The following SLC22A23 variants were observed in gnomAD, a reference collection of about 807,000 sequenced individuals.
The protein encoded by SLC22A23 is ion transporter protein.
A neutral mutation model predicts 61.0 loss-of-function variants in SLC22A23; 26 were observed. The observed-to-expected ratio is 0.43, with a 90% CI of 0.31 to 0.59. The LOEUF (loss-of-function observed/expected upper bound fraction) is 0.59, where lower values mean the gene tolerates loss of function less well. Ranked by LOEUF, SLC22A23 falls within the 20% of genes least tolerant of loss-of-function variation. The probability of loss-of-function intolerance (pLI) is 0.11; values close to 1 mark genes in which losing one functional copy is unlikely to be tolerated. For missense variants in SLC22A23, 796 were observed against 934.7 expected, an observed-to-expected ratio of 0.85 and a Z score of 1.94; for synonymous variants, 430 against 413.9, an observed-to-expected ratio of 1.04 and a Z score of -0.47.
intron 3 of SLC22A23, among the ~76,000 whole-genome samples, chr6:3,356,329 T>G (rs1765100383): frequency 6.6e-6 from 1 of 151,548 alleles, no homozygotes; most frequent in Non-Finnish European, 1.5e-5. Flanking sequence ...CTGACAGGAT[T>G]GGATGGTAAA....
chr6:3,406,139 G>T (rs534451303), intron 3 of SLC22A23, among the ~76,000 whole-genome samples: 1 of 152,090 alleles, frequency 6.6e-6, no homozygotes. Flanking sequence ...GTAGCTGGTG[G>T]GGGGCAGTTA....
chr6:3,447,895 CTCTTTTT>C (rs1181173559), intron 1 of SLC22A23, among the ~76,000 whole-genome samples: 2 of 78,116 alleles, frequency 2.6e-5, no homozygotes, highest in Non-Finnish European at 4.5e-5. Flanking sequence ...GCCTCTCTCT[CTCTTTTT>C]TTTTTTTTTT....
rs1763359135 is a variant in SLC22A23 at position 3,327,682 on chromosome 6, C to T, written c.914-3680G>A. 6.6e-6 allele frequency among the ~76,000 whole-genome samples: 1 copy of T among 152,100 alleles called. No homozygotes were observed. Among genetic ancestry groups the T allele is most frequent in the African/African-American group, 2.4e-5 (1 of 41,404 alleles). On this transcript the variant is annotated intron_variant, in intron 3 of 9. Transcript: ENST00000406686. This position sits in a 1 kb window ranked among gnomAD's most constrained non-coding sequence, Gnocchi z 4.1. ...TGTGAGCACTAAACAGCATATAGTG[C>T]TAGAACATAGGTGCTATGTGTTACA...
intron 3 of SLC22A23, among the ~76,000 whole-genome samples, chr6:3,350,946 G>C (rs989276453): frequency 6.7e-6 from 1 of 149,788 alleles, no homozygotes; most frequent in African/African-American, 2.5e-5. Flanking sequence ...TCTTATTGAC[G>C]CATTTAATTT....
At chr6:3,320,233 C>T (rs189672210) in intron 4 of SLC22A23, among the ~76,000 whole-genome samples, 19 of 152,230 alleles carry the variant, frequency 1.2e-4, no homozygotes, top group Non-Finnish European at 2.2e-4. Flanking sequence ...AGCTCAGTGT[C>T]GTACTTCTAA....
At chr6:3,428,201 G>A (rs1770629419) in intron 1 of SLC22A23, among the ~76,000 whole-genome samples, 1 of 152,212 alleles carries the variant, frequency 6.6e-6, no homozygotes, top group African/African-American at 2.4e-5. Context: ...TCATGCCAAG[G>A]AGGCTGCAAA....
rs556315895 is a variant in SLC22A23 at position 3,328,883 on chromosome 6, C to T, written c.914-4881G>A. 1.3e-4 allele frequency among the ~76,000 whole-genome samples: 19 copies of T among 148,234 alleles called. No individual in the cohort carries two copies. Among genetic ancestry groups the T allele is most frequent in the African/African-American group, 3.9e-4 (15 of 38,508 alleles). On this transcript the variant is annotated intron_variant, in intron 3 of 9. Transcript: ENST00000406686. This position sits in a 1 kb window ranked among gnomAD's most constrained non-coding sequence, Gnocchi z 5.0. ...CGAGGCCTCCCGTGAAGCCCATCTC[C>T]GAAGCTGCACCCCCTCCCTCCCCTT...
At chr6:3,335,542 A>T (rs73720513) in intron 3 of SLC22A23, among the ~76,000 whole-genome samples, 2,786 of 152,252 alleles carry the variant, frequency 0.018, 93 homozygotes, top group African/African-American at 0.064. Flanking sequence ...GGTGGGGACA[A>T]GGCCTCAGTG....
intron 3 of SLC22A23, among the ~76,000 whole-genome samples, chr6:3,397,887 T>G (rs983582105): frequency 2.0e-5 from 3 of 152,194 alleles, no homozygotes; most frequent in African/African-American, 7.2e-5. Flanking sequence ...TAATGAGATA[T>G]GAGACACAAT....
intron 3 of SLC22A23, among the ~76,000 whole-genome samples, chr6:3,397,564 A>T: frequency 6.6e-6 from 1 of 151,098 alleles, no homozygotes; most frequent in East Asian, 1.9e-4. Context: ...TGAAATTTAC[A>T]TATCTTTCTA....
At chr6:3,313,467 C>T (rs948417861) in intron 4 of SLC22A23, 2 of 152,192 alleles carry the variant, frequency 1.3e-5, no homozygotes, top group East Asian at 1.9e-4. Context: ...TTTCATGACG[C>T]ACCTCTTCCG....
At chr6:3,338,203 G>A (rs952377898) in intron 3 of SLC22A23, among the ~76,000 whole-genome samples, 6 of 152,162 alleles carry the variant, frequency 3.9e-5, no homozygotes, top group Non-Finnish European at 7.3e-5. Context: ...CTGTTAAAAT[G>A]GTATAGAAGC....
intron 6 of SLC22A23, 50 bp from the exon 7 acceptor site, chr6:3,287,141 G>A (rs765389281): frequency 6.4e-7 from 1 of 1,565,970 alleles, no homozygotes; most frequent in Admixed American, 1.7e-5. Context: ...CATGCCAGGG[G>A]CTGCGCTGCC....
At chr6:3,306,126 C>T (rs149165765) in intron 4 of SLC22A23, among the ~76,000 whole-genome samples, 8 of 152,180 alleles carry the variant, frequency 5.3e-5, no homozygotes, top group African/African-American at 9.6e-5. Context: ...TGGCATGTCA[C>T]GGGGTGAGAA....
At chr6:3,439,855 C>G (rs1002091975) in intron 1 of SLC22A23, among the ~76,000 whole-genome samples, 1 of 152,054 alleles carries the variant, frequency 6.6e-6, no homozygotes, top group East Asian at 1.9e-4. Flanking sequence ...GGGGTGGACT[C>G]TGGGCTGAAA....
intron 3 of SLC22A23, among the ~76,000 whole-genome samples, chr6:3,397,295 T>C (rs1227640441): frequency 6.6e-6 from 1 of 152,240 alleles, no homozygotes; most frequent in Admixed American, 6.5e-5. Context: ...AATAGTTCCA[T>C]AGCACTCAGC....
intron 3 of SLC22A23, among the ~76,000 whole-genome samples, chr6:3,345,416 G>A (rs1201272035): frequency 4.1e-5 from 6 of 146,620 alleles, no homozygotes; most frequent in Non-Finnish European, 8.9e-5. Context: ...CCAGGCTGGA[G>A]TGCAGTGGTA....
intron 4 of SLC22A23, among the ~76,000 whole-genome samples, chr6:3,319,671 C>T (rs1294585992): frequency 2.6e-5 from 4 of 152,186 alleles, no homozygotes; most frequent in Non-Finnish European, 5.9e-5. Context: ...TGCACACTCC[C>T]CAGTCTGTAG....
At chr6:3,375,367 G>GT (rs1247510040) in intron 3 of SLC22A23, among the ~76,000 whole-genome samples, 2 of 152,236 alleles carry the variant, frequency 1.3e-5, no homozygotes, top group African/African-American at 2.4e-5. Flanking sequence ...AACATTCAGT[G>GT]TTTTGAAATG....
Sources: gnomAD v4.1 joint callset for allele counts (sites outside exome capture counted in the v4.1 genomes callset) on GRCh38, gnomAD v4.1.1 for gene constraint, Gnocchi (gnomAD v3.1) non-coding constraint, MANE v1.5 for transcripts, NCBI Gene and HGNC (gene_info 2026-07-23, HGNC 2026-07-21) for gene names.